Variants in ARHGAP21 observed in about 807,000 individuals in gnomAD.
ARHGAP21 encodes the protein rho GTPase-activating protein 21.
In ARHGAP21, 38 loss-of-function variants were observed where a neutral mutation model predicts 164.6. That is an observed-to-expected ratio of 0.23 (90% CI 0.18 to 0.30). ARHGAP21 has a LOEUF of 0.30. Among genes scored for constraint, ARHGAP21 ranks in the 10% least tolerant of loss-of-function variants. The pLI is 1.00. For missense variants in ARHGAP21, 1,822 were observed against 2,370.7 expected, an observed-to-expected ratio of 0.77 and a Z score of 4.81; for synonymous variants, 766 against 857.9, an observed-to-expected ratio of 0.89 and a Z score of 1.87.
At chr10:24,617,739 T>C (rs1419911437) in intron 9 of ARHGAP21, among the ~76,000 whole-genome samples, 1 of 152,022 alleles carries the variant, frequency 6.6e-6, no homozygotes. Flanking sequence ...TTAAAAATGT[T>C]TCCGTAGAAA....
At chr10:24,711,144 G>C (rs1342647282) in intron 2 of ARHGAP21, among the ~76,000 whole-genome samples, 2 of 143,254 alleles carry the variant, frequency 1.4e-5, no homozygotes, top group Non-Finnish European at 3.0e-5. Flanking sequence ...GAAGGAGGGA[G>C]GGAGGGTGGG....
chr10:24,606,679 C>T (rs747462799), intron 11 of ARHGAP21, among the ~76,000 whole-genome samples: 3 of 151,984 alleles, frequency 2.0e-5, no homozygotes, highest in Admixed American at 6.6e-5. Flanking sequence ...TGGTGAAACC[C>T]GGTCTCTACT....
Position 24,711,093 on chromosome 10 carries a change from CAAAA to C in ARHGAP21, c.63+10740_63+10743del, listed in dbSNP as rs11304785. On this transcript the variant is annotated intron_variant, in intron 2 of 25. Coordinates refer to ENST00000396432, the MANE Select transcript of ARHGAP21 (RefSeq NM_020824.4). ...TGGGCAATGGAGCAAGACTCCATCT[CAAAA>C]AAAAAAAAAAAAAAAAAAGGGAAGG... Among the ~76,000 whole-genome samples, 99 of 43,564 alleles carry C rather than the reference CAAAA, an allele frequency of 2.3e-3. 1 individual carries two copies. In the East Asian group the frequency reaches 0.065, roughly 29 times the overall value. 28.6% of individuals were successfully genotyped at this position (43,564 alleles called of 152,430 possible).
chr10:24,654,934 G>A (rs1339575501), intron 4 of ARHGAP21, among the ~76,000 whole-genome samples: 2 of 152,158 alleles, frequency 1.3e-5, no homozygotes, highest in African/African-American at 4.8e-5. Flanking sequence ...ATAGATCAAT[G>A]GAACAGAACA....
intron 11 of ARHGAP21, chr10:24,605,742 A>C (rs2076997008): frequency 6.6e-6 from 1 of 152,246 alleles, no homozygotes; most frequent in Non-Finnish European, 1.5e-5. Flanking sequence ...TGTATCAATG[A>C]AAATGTACAT....
intron 2 of ARHGAP21, among the ~76,000 whole-genome samples, chr10:24,686,541 C>T (rs1842230565): frequency 6.6e-6 from 1 of 152,170 alleles, no homozygotes; most frequent in East Asian, 1.9e-4. Context: ...CTCCTAAAGT[C>T]ATGACTGTGA....
intron 2 of ARHGAP21, among the ~76,000 whole-genome samples, chr10:24,721,093 T>C (rs1845882167): frequency 6.6e-6 from 1 of 151,972 alleles, no homozygotes; most frequent in South Asian, 2.1e-4. Context: ...TTTCAGGAAG[T>C]CTGGAGTAAA....
In ARHGAP21 at chr10:24,646,594, A is replaced by C. The variant is rs569068861; in HGVS notation, c.269-11491T>G. ...ACCACTGCACTCCAGCCTGGGAGAC[A>C]GAATGAGACCCTGTATTTAAGGGGG... On this transcript the variant is annotated intron_variant, in intron 4 of 25. Transcript: ENST00000396432. Among the ~76,000 whole-genome samples the C allele has an allele frequency of 1.1e-4, 17 of 152,284 alleles. 1 individual carries two copies. Among genetic ancestry groups the C allele is most frequent in the African/African-American group, 4.1e-4 (17 of 41,556 alleles).
chr10:24,592,627 ATAAAT>A (rs1191575944), intron 21 of ARHGAP21, among the ~76,000 whole-genome samples: 1 of 152,094 alleles, frequency 6.6e-6, no homozygotes, highest in Non-Finnish European at 1.5e-5. Context: ...TCTACTAAAA[ATAAAT>A]TAGTCAGGCA....
intron 4 of ARHGAP21, among the ~76,000 whole-genome samples, chr10:24,651,573 T>C (rs1838163095): frequency 6.6e-6 from 1 of 152,166 alleles, no homozygotes; most frequent in African/African-American, 2.4e-5. Context: ...GATGCAAAAA[T>C]TCTAAATAAA....
intron 4 of ARHGAP21, among the ~76,000 whole-genome samples, chr10:24,654,118 G>A (rs957068246): frequency 2.0e-5 from 3 of 152,106 alleles, no homozygotes; most frequent in African/African-American, 7.2e-5. Context: ...GTATTGATGG[G>A]ACGTATCTCA....
chr10:24,608,757 TTC>T (rs1348930935), intron 9 of ARHGAP21, among the ~76,000 whole-genome samples: 1 of 138,756 alleles, frequency 7.2e-6, no homozygotes, highest in African/African-American at 2.5e-5. Context: ...TTAGCTTATT[TTC>T]TGTTTTTACA....
intron 2 of ARHGAP21, among the ~76,000 whole-genome samples, chr10:24,707,657 T>A (rs1844373201): frequency 6.6e-6 from 1 of 152,106 alleles, no homozygotes; most frequent in Non-Finnish European, 1.5e-5. Flanking sequence ...GTACAACTCA[T>A]CCCCCTAGTC....
intron 4 of ARHGAP21, among the ~76,000 whole-genome samples, chr10:24,650,337 A>G (rs1838029694): frequency 6.6e-6 from 1 of 152,182 alleles, no homozygotes. Flanking sequence ...CATGGGTAAC[A>G]CAGTGAGACC....
At chr10:24,594,513 AATATTAGACAAT>A (rs1346179878) in intron 21 of ARHGAP21, among the ~76,000 whole-genome samples, 1 of 152,168 alleles carries the variant, frequency 6.6e-6, no homozygotes, top group African/African-American at 2.4e-5. Context: ...ATGTGAACTG[AATATTAGACAAT>A]ATAAAGAATA....
chr10:24,699,678 G>A (rs1009272950), intron 2 of ARHGAP21, among the ~76,000 whole-genome samples: 12 of 151,990 alleles, frequency 7.9e-5, no homozygotes, highest in African/African-American at 2.9e-4. Context: ...ATATCCTTCG[G>A]TAAAGAGAAG....
intron 4 of ARHGAP21, among the ~76,000 whole-genome samples, chr10:24,645,116 A>T (rs1433621417): frequency 6.6e-6 from 1 of 152,020 alleles, no homozygotes; most frequent in Admixed American, 6.6e-5. Flanking sequence ...GGAAACACAC[A>T]CTCCATCCTA....
chr10:24,587,833 T>C (rs1354248299), intron 25 of ARHGAP21, among the ~76,000 whole-genome samples: 1 of 148,496 alleles, frequency 6.7e-6, no homozygotes, highest in African/African-American at 2.6e-5. Context: ...CAAATTACTC[T>C]ACTTTTCTAC....
At chr10:24,596,533 TA>T in intron 17 of ARHGAP21, 1 of 641,582 alleles carries the variant, frequency 1.6e-6, no homozygotes, top group Non-Finnish European at 2.5e-6. Context: ...GACAAATTCC[TA>T]ATGGTTGAAT....
Sources: allele counts gnomAD v4.1 joint callset (sites outside exome capture counted in the v4.1 genomes callset), GRCh38; gene constraint gnomAD v4.1.1; transcripts MANE v1.5; gene names NCBI Gene and HGNC (gene_info 2026-07-23, HGNC 2026-07-21).